The following PPP2R5A variants were observed in gnomAD, a reference collection of about 807,000 sequenced individuals.
PPP2R5A encodes the protein protein phosphatase 2 regulatory subunit B'alpha.
PPP2R5A carries 25 observed loss-of-function variants against 64.2 expected under a neutral mutation model. The observed-to-expected ratio is 0.39, with a 90% CI of 0.28 to 0.54. The LOEUF (loss-of-function observed/expected upper bound fraction) is 0.54. Among genes scored for constraint, PPP2R5A ranks in the 20% least tolerant of loss-of-function variants. The pLI, the probability that PPP2R5A is intolerant of heterozygous loss-of-function variation, is 0.67. For missense variants in PPP2R5A, 425 were observed against 576.3 expected, an observed-to-expected ratio of 0.74 and a Z score of 2.69; for synonymous variants, 198 against 201.2, an observed-to-expected ratio of 0.98 and a Z score of 0.13.
intron 6 of PPP2R5A, among the ~76,000 whole-genome samples, chr1:212,348,022 G>A (rs1319008413): frequency 6.6e-6 from 1 of 152,118 alleles, no homozygotes; most frequent in Non-Finnish European, 1.5e-5. Context: ...ATCCAACAAA[G>A]TAAGAAAAAT....
chr1:212,302,068 G>A, intron 1 of PPP2R5A: 1 of 1,528,876 alleles, frequency 6.5e-7, no homozygotes, highest in Non-Finnish European at 8.8e-7. Flanking sequence ...AGAAGGGCAA[G>A]AAGAGGAAGG....
At chr1:212,297,094 T>G (rs12069850) in intron 1 of PPP2R5A, among the ~76,000 whole-genome samples, 5 of 120,314 alleles carry the variant, frequency 4.2e-5, no homozygotes, top group African/African-American at 1.6e-4. Flanking sequence ...TCTTTGCTTC[T>G]TCTTTTTTTT....
chr1:212,359,090 TTA>T (rs1420806791), intron 12 of PPP2R5A, among the ~76,000 whole-genome samples: 4 of 152,250 alleles, frequency 2.6e-5, no homozygotes, highest in African/African-American at 9.6e-5. Flanking sequence ...TAAATCCTGT[TTA>T]TCTCATTCTG....
At position 212,329,137 on chromosome 1, in the gene PPP2R5A, G is replaced by A; in HGVS notation, c.184G>A (p.Ala62Thr). ...TTTTTCTTTATTTTTATTTATAGAT[G>A]CCACTTCAAATGAACAACAAGAGCT... ...ELHPLPQLKD[A>T]TSNEQQELFC... The change falls in exon 2 of 13, where the codon GCC (alanine) becomes ACC (threonine). Residue 62 changes from alanine (A) to threonine (T), a missense_variant and splice_region_variant. By Grantham distance (58) the Ala-to-Thr change is moderately conservative (BLOSUM62 0). Coordinates refer to ENST00000261461, the MANE Select transcript of PPP2R5A (RefSeq NM_006243.4). 6.7e-7 allele frequency: 1 copy of A among 1,496,308 alleles called. No homozygotes were observed. Among genetic ancestry groups the A allele is most frequent in the Non-Finnish European group, 8.9e-7 (1 of 1,120,844 alleles). 92.7% of individuals were successfully genotyped at this position (1,496,308 alleles called of 1,614,324 possible).
chr1:212,360,495 C>T, intron 12 of PPP2R5A, 143 bp from the exon 13 acceptor site: 1 of 637,214 alleles, frequency 1.6e-6, no homozygotes, highest in Non-Finnish European at 2.6e-6. Context: ...TTAGGTGCTC[C>T]AGGTAAGTGG....
intron 1 of PPP2R5A, among the ~76,000 whole-genome samples, chr1:212,297,174 T>C (rs935676901): frequency 7.5e-6 from 1 of 132,992 alleles, no homozygotes; most frequent in African/African-American, 2.8e-5. Context: ...CAGGCTGGAG[T>C]GTAATGGCAC....
intron 1 of PPP2R5A, among the ~76,000 whole-genome samples, chr1:212,324,603 ATTT>A (rs112302137): frequency 5.6e-5 from 8 of 143,466 alleles, no homozygotes; most frequent in Non-Finnish European, 1.1e-4. Context: ...ATTATGATTA[ATTT>A]TTTTTTTTTT....
chr1:212,349,392 A>C (rs1387090921), intron 8 of PPP2R5A, 150 bp downstream of exon 8: 2 of 585,160 alleles, frequency 3.4e-6, no homozygotes, highest in African/African-American at 3.8e-5. Context: ...AATCTACATT[A>C]AAAGAAGGGG....
chr1:212,344,670 T>G (rs1659742401), intron 4 of PPP2R5A, among the ~76,000 whole-genome samples: 1 of 152,208 alleles, frequency 6.6e-6, no homozygotes, highest in Non-Finnish European at 1.5e-5. Context: ...ACAGTGTTTT[T>G]TTTGACAGAA....
intron 1 of PPP2R5A, among the ~76,000 whole-genome samples, chr1:212,319,869 C>T (rs956752283): frequency 2.0e-5 from 3 of 151,268 alleles, no homozygotes; most frequent in Non-Finnish European, 4.4e-5. Context: ...GTGATCCGCC[C>T]GTCTCAGCCT....
chr1:212,288,500 A>C (rs1658545724), intron 1 of PPP2R5A, among the ~76,000 whole-genome samples: 1 of 152,228 alleles, frequency 6.6e-6, no homozygotes, highest in Admixed American at 6.5e-5. Flanking sequence ...ATCATAAGGA[A>C]AATTATGTAT....
At chr1:212,332,887 TTTTTTATTTTTTTA>T (rs1212191261) in intron 2 of PPP2R5A, among the ~76,000 whole-genome samples, 1 of 151,920 alleles carries the variant, frequency 6.6e-6, no homozygotes, top group Admixed American at 6.6e-5. Flanking sequence ...CCCTTCTTTC[TTTTTTATTTTTTTA>T]TTTTTATTTT....
intron 3 of PPP2R5A, among the ~76,000 whole-genome samples, chr1:212,335,328 A>C (rs1659574106): frequency 6.6e-6 from 1 of 152,100 alleles, no homozygotes; most frequent in Non-Finnish European, 1.5e-5. Flanking sequence ...ATACAAAATT[A>C]GCCAGGCATG....
intron 1 of PPP2R5A, among the ~76,000 whole-genome samples, chr1:212,323,637 G>T (rs895744666): frequency 6.6e-6 from 1 of 152,134 alleles, no homozygotes; most frequent in Non-Finnish European, 1.5e-5. Context: ...ATATAGTTCT[G>T]GGGGAGAAAA....
In PPP2R5A at chr1:212,323,167, A is replaced by T. The variant is rs149772331; in HGVS notation, c.182-5968A>T. Among the ~76,000 whole-genome samples, 1,198 of 152,290 alleles carry T rather than the reference A, an allele frequency of 7.9e-3. 39 individuals carry two copies. Among genetic ancestry groups the T allele is most frequent in the Admixed American group, 0.057 (877 of 15,298 alleles). Reference sequence around the variant, plus strand: ...ACCTTTGATTCCAGATTGTGTGGAGAATAGTCAGTATATATGTGGTAAATA... The same window carrying T: ...ACCTTTGATTCCAGATTGTGTGGAGTATAGTCAGTATATATGTGGTAAATA... On this transcript the variant is annotated intron_variant, in intron 1 of 12. Transcript: ENST00000261461.
At position 212,301,211 on chromosome 1, in the gene PPP2R5A, A is replaced by C. The variant is rs564508492; in HGVS notation, c.181+14920A>C. 2.3e-4 allele frequency among the ~76,000 whole-genome samples: 35 copies of C among 152,292 alleles called. No individual in the cohort carries two copies. The South Asian group carries it at 7.2e-3, about 32-fold the overall frequency. ...TTTTTAGTAGAGACGGGGTTTCGCCATGTGGGCCAGCTTGGTCTCGAACTC... is the reference window on the plus strand; with the variant it reads ...TTTTTAGTAGAGACGGGGTTTCGCCCTGTGGGCCAGCTTGGTCTCGAACTC... On this transcript the variant is annotated intron_variant, in intron 1 of 12. Coordinates refer to ENST00000261461, the MANE Select transcript of PPP2R5A (RefSeq NM_006243.4).
intron 1 of PPP2R5A, chr1:212,301,700 G>A: frequency 2.4e-6 from 1 of 425,154 alleles, no homozygotes; most frequent in Non-Finnish European, 3.2e-6. Context: ...TGTTCTAGGG[G>A]TATTGCCAAA....
intron 1 of PPP2R5A, among the ~76,000 whole-genome samples, chr1:212,293,188 A>T (rs1218444405): frequency 6.6e-6 from 1 of 152,224 alleles, no homozygotes; most frequent in Non-Finnish European, 1.5e-5. Flanking sequence ...AAAACAAAAG[A>T]TTATTTGTAT....
chr1:212,302,810 T>G (rs2102415346), intron 1 of PPP2R5A, among the ~76,000 whole-genome samples: 1 of 152,368 alleles, frequency 6.6e-6, no homozygotes, highest in East Asian at 1.9e-4. Flanking sequence ...TTCCCTATTC[T>G]GGACATTTCA....
Sources: allele counts gnomAD v4.1 joint callset (sites outside exome capture counted in the v4.1 genomes callset), GRCh38; gene constraint gnomAD v4.1.1; transcripts MANE v1.5; gene names NCBI Gene and HGNC (gene_info 2026-07-23, HGNC 2026-07-21).